The following NRP1 variants were observed in gnomAD, a reference collection of about 807,000 sequenced individuals.
NRP1 encodes the protein neuropilin-1.
A neutral mutation model predicts 106.7 loss-of-function variants in NRP1; 35 were observed. The ratio of observed to expected loss-of-function variants is 0.33; its 90% confidence interval spans 0.25 to 0.43. NRP1 has a LOEUF of 0.43. NRP1 is among the 20% of genes least tolerant of loss of function. The pLI is 1.00. For synonymous variants in NRP1, 437 were observed against 417.9 expected (o/e 1.05, Z -0.56); for missense variants, 1,024 against 1,170.4 (o/e 0.87, Z 1.83).
At chr10:33,271,980 T>C (rs754205307) in intron 2 of NRP1, among the ~76,000 whole-genome samples, 1 of 152,230 alleles carries the variant, frequency 6.6e-6, no homozygotes, top group Non-Finnish European at 1.5e-5. Flanking sequence ...TTAACTTGGT[T>C]CAAAAGTCCT....
At chr10:33,189,840 G>A (rs1357077165) in intron 13 of NRP1, among the ~76,000 whole-genome samples, 3 of 152,204 alleles carry the variant, frequency 2.0e-5, no homozygotes, top group Non-Finnish European at 4.4e-5. Flanking sequence ...CTATGCGCGG[G>A]AGCTTCGTGA....
At position 33,179,779 on chromosome 10, in the gene NRP1, GA is replaced by G; in HGVS notation, c.*296del. On this transcript the variant is annotated 3_prime_UTR_variant, in exon 17 of 17. Transcript: ENST00000374867. The stretch of plus-strand genomic sequence containing the variant: ...CCACAAAGGGGAGAGGAGAGAGAGA[GA>G]GAGGGGCAGGAGGGGTCGAAATGAA... 3.0e-6 allele frequency: 1 copy of G among 329,570 alleles called. No individual in the cohort carries two copies. Among genetic ancestry groups the G allele is most frequent in the South Asian group, 5.6e-5 (1 of 17,946 alleles). 20.4% of individuals were successfully genotyped at this position (329,570 alleles called of 1,614,324 possible).
rs768363648 is a variant in NRP1, at chr10:33,267,034, AACAAAAC to A, written c.431-3168_431-3162del. 1.9e-3 allele frequency among the ~76,000 whole-genome samples: 296 copies of A among 152,166 alleles called. 1 individual carries two copies. Among genetic ancestry groups the A allele is most frequent in the Non-Finnish European group, 3.6e-3 (244 of 67,996 alleles). On this transcript the variant is annotated intron_variant, in intron 3 of 16. Transcript: ENST00000374867. ...GCAACAGAGTGAGACTCTGTCTCAAAACAAAACACAAAAAACAAAAAAACGTGTAGCA... is the reference window on the plus strand; with the variant it reads ...GCAACAGAGTGAGACTCTGTCTCAAAACAAAAAACAAAAAAACGTGTAGCA...
intron 2 of NRP1, among the ~76,000 whole-genome samples, chr10:33,305,008 C>T (rs78052786): frequency 0.032 from 4,942 of 152,342 alleles, 130 homozygotes; most frequent in Non-Finnish European, 0.051. Flanking sequence ...GAGCATTGTG[C>T]TCCATGATGG....
chr10:33,305,746 TA>T (rs36039725), intron 2 of NRP1, among the ~76,000 whole-genome samples: 28,390 of 143,674 alleles, frequency 0.2, 2,755 homozygotes, highest in Non-Finnish European at 0.22. Context: ...GATCTCTTTG[TA>T]AAAAAAAAAA....
chr10:33,289,623 A>G (rs143986627), intron 2 of NRP1, among the ~76,000 whole-genome samples: 119 of 152,306 alleles, frequency 7.8e-4, no homozygotes, highest in African/African-American at 2.7e-3. Flanking sequence ...GCTCCACATC[A>G]AGTCTCAATC....
At position 33,277,601 on chromosome 10, in the gene NRP1, T is replaced by C. The variant is rs572687359; in HGVS notation, c.249-6745A>G. On this transcript the variant is annotated intron_variant, in intron 2 of 16. Coordinates refer to ENST00000374867, the MANE Select transcript of NRP1 (RefSeq NM_003873.7). ...AATCCCTAGACCTTTCTATAAGAAA[T>C]AGAGAGGCTGGGCCACAACCTGGCT... Among the ~76,000 whole-genome samples the C allele has an allele frequency of 3.9e-5, 6 of 152,328 alleles. No homozygotes were observed. The East Asian group carries it at 5.8e-4, about 15-fold the overall frequency.
intron 6 of NRP1, among the ~76,000 whole-genome samples, chr10:33,231,000 C>T (rs899440302): frequency 4.6e-5 from 7 of 152,146 alleles, no homozygotes; most frequent in Non-Finnish European, 8.8e-5. Flanking sequence ...CCTCCTGCTA[C>T]ACCTCTCTCT....
At chr10:33,287,442 T>C (rs897719564) in intron 2 of NRP1, among the ~76,000 whole-genome samples, 1 of 152,226 alleles carries the variant, frequency 6.6e-6, no homozygotes, top group Non-Finnish European at 1.5e-5. Context: ...ACGACATACA[T>C]AATTTTTGGT....
intron 2 of NRP1, among the ~76,000 whole-genome samples, chr10:33,299,238 C>CT (rs1030086250): frequency 6.6e-6 from 1 of 152,212 alleles, no homozygotes; most frequent in African/African-American, 2.4e-5. Flanking sequence ...CCCTGCCCCC[C>CT]TGACCCTGCC....
intron 2 of NRP1, among the ~76,000 whole-genome samples, chr10:33,323,159 G>A (rs1847637659): frequency 6.6e-6 from 1 of 152,050 alleles, no homozygotes; most frequent in Non-Finnish European, 1.5e-5. Flanking sequence ...GCTTACCTCA[G>A]GAGTTCGAGA....
At chr10:33,243,148 A>G (rs994777991) in intron 6 of NRP1, among the ~76,000 whole-genome samples, 2 of 152,134 alleles carry the variant, frequency 1.3e-5, no homozygotes, top group African/African-American at 4.8e-5. Flanking sequence ...CCAAGGAAAA[A>G]GGCCCCGCGA....
In NRP1 at chr10:33,314,546, C is replaced by T. The variant is rs188659648; in HGVS notation, c.248+16162G>A. On this transcript the variant is annotated intron_variant, in intron 2 of 16. Transcript: ENST00000374867. Reference sequence around the variant, plus strand: ...GAAGAGCTAGTAAGAAAGATAAAACCAGCTGTGGAGGCTGGGTTTGCCTGT... The same window carrying T: ...GAAGAGCTAGTAAGAAAGATAAAACTAGCTGTGGAGGCTGGGTTTGCCTGT... 3.1e-3 allele frequency among the ~76,000 whole-genome samples: 478 copies of T among 152,252 alleles called. 3 individuals are homozygous for T. Among genetic ancestry groups the T allele is most frequent in the Middle Eastern group, 0.01 (3 of 294 alleles).
At chr10:33,331,279 T>G (rs1300783339) in intron 1 of NRP1, among the ~76,000 whole-genome samples, 1 of 152,246 alleles carries the variant, frequency 6.6e-6, no homozygotes, top group Non-Finnish European at 1.5e-5. Context: ...GGAAAGTGAC[T>G]GAAAGATGCT....
intron 6 of NRP1, among the ~76,000 whole-genome samples, chr10:33,250,391 G>A (rs1241738661): frequency 6.6e-6 from 1 of 152,132 alleles, no homozygotes; most frequent in Non-Finnish European, 1.5e-5. Context: ...CTCGGAAGGC[G>A]AAAAACGGTA....
intron 6 of NRP1, among the ~76,000 whole-genome samples, chr10:33,241,369 C>T (rs12762312): frequency 0.4 from 60,624 of 151,974 alleles, 12,656 homozygotes; most frequent in East Asian, 0.66. Flanking sequence ...CGATACTAAT[C>T]TCATGCATTT....
chr10:33,186,677 C>CA (rs1428828945), intron 13 of NRP1, among the ~76,000 whole-genome samples, 189 bp from the exon 14 acceptor site: 1 of 152,134 alleles, frequency 6.6e-6, no homozygotes, highest in African/African-American at 2.4e-5. Context: ...TCAGCTCTTG[C>CA]AAAATGGACA....
intron 2 of NRP1, among the ~76,000 whole-genome samples, chr10:33,327,742 G>A (rs1291014324): frequency 6.6e-6 from 1 of 151,990 alleles, no homozygotes; most frequent in African/African-American, 2.4e-5. Flanking sequence ...ACAAAAGGAG[G>A]TAAGTATTTT....
At chr10:33,264,499 C>T (rs1287008064) in intron 3 of NRP1, among the ~76,000 whole-genome samples, 1 of 152,194 alleles carries the variant, frequency 6.6e-6, no homozygotes, top group Non-Finnish European at 1.5e-5. Context: ...GATTACAGGC[C>T]ATGATGCCGG....
Sources: gnomAD v4.1 joint callset for allele counts (sites outside exome capture counted in the v4.1 genomes callset) on GRCh38, gnomAD v4.1.1 for gene constraint, MANE v1.5 for transcripts, NCBI Gene and HGNC (gene_info 2026-07-23, HGNC 2026-07-21) for gene names.